Variants in RUFY4 observed in about 807,000 individuals in gnomAD.
RUFY4 encodes RUN and FYVE domain-containing protein 4.
A neutral mutation model predicts 69.0 loss-of-function variants in RUFY4; 73 were observed. That is an observed-to-expected ratio of 1.06 (90% confidence interval 0.88 to 1.29). The LOEUF is 1.29. Among genes scored for constraint, RUFY4 ranks in the 50% most tolerant of loss-of-function variants. RUFY4 has a pLI of 0.00. For synonymous variants in RUFY4, 287 were observed against 271.8 expected (o/e 1.06, Z -0.55); for missense variants, 770 against 705.6 (o/e 1.09, Z -1.03).
chr2:218,073,820 C>T (rs569304124), exon 6 of RUFY4: 20 of 1,613,930 alleles, frequency 1.2e-5, no homozygotes, highest in African/African-American at 5.3e-5. Flanking sequence ...TTTCAGGTCA[C>T]GCTGCTCCAG....
At chr2:218,044,649 G>A (rs528680225) in intron 2 of RUFY4, among the ~76,000 whole-genome samples, 81 of 152,248 alleles carry the variant, frequency 5.3e-4, no homozygotes, top group African/African-American at 1.9e-3. Flanking sequence ...GTGTGTCCAT[G>A]TGTTCTCATC....
chr2:218,038,790 A>C (rs923398740), intron 2 of RUFY4, among the ~76,000 whole-genome samples: 3 of 152,142 alleles, frequency 2.0e-5, no homozygotes, highest in African/African-American at 7.2e-5. Flanking sequence ...CCTTTTCCTC[A>C]TGGCCCCATG....
chr2:218,039,125 A>T (rs1959023200), intron 2 of RUFY4, among the ~76,000 whole-genome samples: 1 of 152,184 alleles, frequency 6.6e-6, no homozygotes, highest in Non-Finnish European at 1.5e-5. Context: ...CTGTCTCTTT[A>T]AACTTCCTGT....
intron 10 of RUFY4, 66 bp from the exon 13 acceptor site, chr2:218,089,886 C>A: frequency 9.3e-7 from 1 of 1,073,218 alleles, no homozygotes; most frequent in Non-Finnish European, 1.4e-6. Context: ...TCCATGACCT[C>A]AGCGCCCACT....
intron 4 of RUFY4, 66 bp downstream of exon 6, chr2:218,072,951 C>T: frequency 7.7e-7 from 1 of 1,301,842 alleles, no homozygotes; most frequent in South Asian, 1.5e-5. Context: ...TGTAAAAGAG[C>T]CCTCCTTTAA....
At chr2:218,047,384 A>G (rs569448530) in intron 2 of RUFY4, among the ~76,000 whole-genome samples, 1 of 152,230 alleles carries the variant, frequency 6.6e-6, no homozygotes, top group African/African-American at 2.4e-5. Context: ...GACCTTCTGC[A>G]ACTTTCTGTA....
At chr2:218,077,210 A>T (rs1391887897) in intron 8 of RUFY4, among the ~76,000 whole-genome samples, 4 of 151,392 alleles carry the variant, frequency 2.6e-5, no homozygotes, top group Non-Finnish European at 5.9e-5. Flanking sequence ...TTCAGGCAGC[A>T]TGTCGAGTGC....
intron 2 of RUFY4, among the ~76,000 whole-genome samples, chr2:218,072,102 A>G (rs1193010396): frequency 6.6e-6 from 1 of 152,214 alleles, no homozygotes; most frequent in African/African-American, 2.4e-5. Flanking sequence ...CAGTTTGTTC[A>G]TAGTTGTATC....
chr2:218,036,823 A>G, intron 2 of RUFY4, among the ~76,000 whole-genome samples: 1 of 152,224 alleles, frequency 6.6e-6, no homozygotes, highest in Non-Finnish European at 1.5e-5. Context: ...ATCTCTGGTT[A>G]TGGCATCAGG....
chr2:218,050,161 C>T (rs1045577642), intron 2 of RUFY4, among the ~76,000 whole-genome samples: 4 of 152,184 alleles, frequency 2.6e-5, no homozygotes, highest in Non-Finnish European at 5.9e-5. Context: ...CATTTTTAGC[C>T]CATAAAAATC....
intron 2 of RUFY4, among the ~76,000 whole-genome samples, chr2:218,055,628 C>T (rs1689044016): frequency 6.6e-6 from 1 of 152,100 alleles, no homozygotes; most frequent in Non-Finnish European, 1.5e-5. Context: ...CTTCTGGTTT[C>T]CTCTGATCCA....
upstream of RUFY4, among the ~76,000 whole-genome samples, chr2:218,067,100 G>A (rs749065630): frequency 2.4e-4 from 36 of 152,268 alleles, no homozygotes; most frequent in Non-Finnish European, 4.3e-4. Context: ...ACTTCCTCCC[G>A]CTCTTTATCA....
At chr2:218,074,827 A>G (rs1274795070) in intron 6 of RUFY4, among the ~76,000 whole-genome samples, 1 of 152,168 alleles carries the variant, frequency 6.6e-6, no homozygotes, top group Non-Finnish European at 1.5e-5. Context: ...CCCAAGACCC[A>G]GGTGCAGGAG....
At chr2:218,079,920 G>GA (rs1037488147) in intron 8 of RUFY4, among the ~76,000 whole-genome samples, 1 of 152,074 alleles carries the variant, frequency 6.6e-6, no homozygotes, top group Non-Finnish European at 1.5e-5. Flanking sequence ...GGATGCTAGG[G>GA]AAAAAAACAA....
At chr2:218,039,201 C>A (rs1270138814) in intron 2 of RUFY4, among the ~76,000 whole-genome samples, 1 of 152,084 alleles carries the variant, frequency 6.6e-6, no homozygotes, top group Non-Finnish European at 1.5e-5. Flanking sequence ...ATAGGCTTGC[C>A]AGTGGCAGAA....
At chr2:218,051,712 T>C (rs2106031773) in intron 2 of RUFY4, among the ~76,000 whole-genome samples, 1 of 152,266 alleles carries the variant, frequency 6.6e-6, no homozygotes, top group South Asian at 2.1e-4. Context: ...GTTGCCTGGA[T>C]TTAAAAACAT....
In RUFY4 at chr2:218,075,654, G is replaced by A. The variant is rs536035799; in HGVS notation, c.1162G>A (p.Val388Met). Residue 388 changes from valine (V) to methionine (M), a missense_variant, in exon 7 of 11, where the codon GTG becomes ATG. By Grantham distance (21) the Val-to-Met change is conservative (BLOSUM62 1). Transcript: ENST00000344321. ...ACACGCAACAAAGGAAGACTCTACC[G>A]TGGAGAATCCACAAGTGCAAACAGA... is the stretch of plus-strand genomic sequence containing the variant. 3.1e-5 allele frequency: 47 copies of A among 1,506,246 alleles called. No homozygotes were observed. The highest frequency in any genetic ancestry group is 7.0e-5 in the South Asian group (5 of 71,698). The allele number at this position is 1,506,246 out of a possible 1,614,324, so 93.3% of individuals were successfully genotyped here.
chr2:218,090,304 A>G, exon 11 of RUFY4: 4 of 342,428 alleles, frequency 1.2e-5, no homozygotes, highest in East Asian at 1.5e-4. Context: ...TCTAATGTTA[A>G]GAGTTGGGCC....
At chr2:218,035,331 G>C (rs1039570423) in exon 2 of RUFY4, 1 of 152,154 alleles carries the variant, frequency 6.6e-6, no homozygotes, top group African/African-American at 2.4e-5. Flanking sequence ...TGGGCTGGAA[G>C]GGGCTGCCGA....
Sources: allele counts gnomAD v4.1 joint callset (sites outside exome capture counted in the v4.1 genomes callset), GRCh38; gene constraint gnomAD v4.1.1; transcripts MANE v1.5; gene names NCBI Gene and HGNC (gene_info 2026-07-23, HGNC 2026-07-21).